The following SLC4A5 variants were observed in gnomAD, a reference collection of about 807,000 sequenced individuals.
SLC4A5 encodes solute carrier family 4 member 5.
SLC4A5 carries 96 observed loss-of-function variants against 120.4 expected under a neutral mutation model. That is an observed-to-expected ratio of 0.80 (90% CI 0.68 to 0.94). The LOEUF (loss-of-function observed/expected upper bound fraction) is 0.94, where lower values mean the gene tolerates loss of function less well. Ranked by LOEUF, SLC4A5 falls within the 40% of genes least tolerant of loss-of-function variation. The pLI, the probability that SLC4A5 is intolerant of heterozygous loss-of-function variation, is 0.00. For missense variants in SLC4A5, 1,259 were observed against 1,459.5 expected, an observed-to-expected ratio of 0.86 and a Z score of 2.24; for synonymous variants, 550 against 571.1, an observed-to-expected ratio of 0.96 and a Z score of 0.53.
intron 7 of SLC4A5, among the ~76,000 whole-genome samples, chr2:74,297,354 T>C (rs958424113): frequency 2.6e-5 from 4 of 152,222 alleles, no homozygotes; most frequent in Non-Finnish European, 5.9e-5. Context: ...CCATGCAGTT[T>C]GCCTAGGACC....
intron 12 of SLC4A5, among the ~76,000 whole-genome samples, chr2:74,256,487 C>A (rs1358908202): frequency 6.6e-6 from 1 of 152,214 alleles, no homozygotes; most frequent in Admixed American, 6.5e-5. Flanking sequence ...CCACATTACC[C>A]CCAGGGGACC....
chr2:74,256,208 A>T (rs75727102), intron 12 of SLC4A5, among the ~76,000 whole-genome samples: 34 of 152,260 alleles, frequency 2.2e-4, no homozygotes, highest in African/African-American at 7.9e-4. Flanking sequence ...CTCCACTGAG[A>T]TGTGGGTTGA....
At position 74,232,653 on chromosome 2, in the gene SLC4A5, G is replaced by A; in HGVS notation, c.2596-6C>T. The stretch of plus-strand genomic sequence containing the variant: ...AGATGGTAGCCGGCAGCCTTCTGCA[G>A]GAGCGGGGTTGGGGGAGGGAGAAGT... On this transcript the variant is annotated splice_region_variant and splice_polypyrimidine_tract_variant and intron_variant, in intron 23 of 30. Coordinates refer to ENST00000394019, the Ensembl canonical transcript of SLC4A5. 1.2e-6 allele frequency: 2 copies of A among 1,612,376 alleles called. No individual in the cohort carries two copies. Among genetic ancestry groups the A allele is most frequent in the Non-Finnish European group, 1.7e-6 (2 of 1,179,400 alleles).
chr2:74,342,591 G>C (rs764200423), intron 1 of SLC4A5, 57 bp from the exon 2 acceptor site: 8 of 152,156 alleles, frequency 5.3e-5, no homozygotes, highest in Non-Finnish European at 1.2e-4. Flanking sequence ...ACAAAGCTAA[G>C]GGCACTGGGT....
In SLC4A5 at chr2:74,252,376, G is replaced by A; in HGVS notation, c.1281C>T (p.Phe427=). 3 of 1,612,776 alleles carry A rather than the reference G, an allele frequency of 1.9e-6. No homozygotes were observed. The African/African-American group carries it at 4.0e-5, about 22-fold the overall frequency. ...TCATCTGGCCCAGCTCTGCTAGGGA[G>A]AACACAGATTTCCTGGAAGAGAAGG... The change falls in exon 16 of 31, where the codon TTC becomes TTT. Residue 427 remains phenylalanine (F), a synonymous_variant. Coordinates refer to ENST00000394019, the Ensembl canonical transcript of SLC4A5.
intron 7 of SLC4A5, among the ~76,000 whole-genome samples, chr2:74,299,077 G>A (rs56208502): frequency 0.015 from 2,248 of 152,234 alleles, 20 homozygotes; most frequent in Non-Finnish European, 0.023. Context: ...CTCGCCAGGC[G>A]CAGTGGCTCA....
intron 5 of SLC4A5, among the ~76,000 whole-genome samples, chr2:74,318,280 A>G (rs1412011012): frequency 6.6e-6 from 1 of 152,236 alleles, no homozygotes; most frequent in Non-Finnish European, 1.5e-5. Context: ...AAAAGAAGAC[A>G]CATAAATGGC....
intron 7 of SLC4A5, among the ~76,000 whole-genome samples, chr2:74,287,202 A>G (rs974741274): frequency 1.3e-5 from 2 of 151,912 alleles, no homozygotes; most frequent in Non-Finnish European, 1.5e-5. Context: ...TCTTCATCAC[A>G]TCCTCCATTC....
intron 8 of SLC4A5, among the ~76,000 whole-genome samples, chr2:74,285,393 G>A (rs1671949331): frequency 6.6e-6 from 1 of 152,146 alleles, no homozygotes; most frequent in South Asian, 2.1e-4. Flanking sequence ...TGCATATATG[G>A]GCCATTGTTT....
intron 8 of SLC4A5, among the ~76,000 whole-genome samples, chr2:74,272,115 T>C (rs969741693): frequency 2.6e-5 from 4 of 152,080 alleles, no homozygotes; most frequent in Admixed American, 1.3e-4. Context: ...TTTAGAGACA[T>C]AATGAAATAT....
rs1264174786 is a variant in SLC4A5, at chr2:74,284,431, C to T, written c.401+1342G>A. On this transcript the variant is annotated intron_variant, in intron 8 of 30. Transcript: ENST00000394019. ...TCCTGACCTCATGATCCACCCGCCT[C>T]GGCCTCCCAAAGTGCTGGGATTACA... Among the ~76,000 whole-genome samples, 21 of 73,196 alleles carry T rather than the reference C, an allele frequency of 2.9e-4. 3 individuals carry two copies. The South Asian group carries it at 3.8e-3, about 13-fold the overall frequency. The allele number at this position is 73,196 out of a possible 152,430, so 48.0% of individuals were successfully genotyped here.
At chr2:74,246,219 T>C (rs1485508939) in intron 19 of SLC4A5, among the ~76,000 whole-genome samples, 2 of 152,238 alleles carry the variant, frequency 1.3e-5, no homozygotes, top group Admixed American at 1.3e-4. Flanking sequence ...TGTTACCAGG[T>C]TGACCCCATC....
At chr2:74,267,401 G>A (rs1032478998) in intron 8 of SLC4A5, among the ~76,000 whole-genome samples, 7 of 152,164 alleles carry the variant, frequency 4.6e-5, no homozygotes, top group Non-Finnish European at 1.0e-4. Flanking sequence ...AAACCACCAG[G>A]TTTTCAGTAG....
chr2:74,264,878 G>A (rs1410160927), intron 9 of SLC4A5, among the ~76,000 whole-genome samples: 1 of 152,174 alleles, frequency 6.6e-6, no homozygotes, highest in Non-Finnish European at 1.5e-5. Flanking sequence ...TTTCTGGATG[G>A]CATTTTGGAG....
intron 7 of SLC4A5, among the ~76,000 whole-genome samples, chr2:74,300,959 T>C (rs1672461987): frequency 6.6e-6 from 1 of 152,176 alleles, no homozygotes; most frequent in African/African-American, 2.4e-5. Context: ...AAGCTAAATG[T>C]GGTTCAAGGA....
chr2:74,301,450 T>C (rs143724176), intron 7 of SLC4A5, among the ~76,000 whole-genome samples: 139 of 152,326 alleles, frequency 9.1e-4, no homozygotes, highest in African/African-American at 3.2e-3. Context: ...GCCCCTGTTC[T>C]CTGAAGTGGG....
intron 7 of SLC4A5, among the ~76,000 whole-genome samples, chr2:74,301,910 T>C (rs1573079133): frequency 6.6e-6 from 1 of 152,184 alleles, no homozygotes; most frequent in African/African-American, 2.4e-5. Context: ...TTCTCAGGGG[T>C]AGAAAGGTTT....
At chr2:74,308,399 G>GT (rs1672713250) in intron 6 of SLC4A5, among the ~76,000 whole-genome samples, 1 of 152,204 alleles carries the variant, frequency 6.6e-6, no homozygotes, top group Non-Finnish European at 1.5e-5. Context: ...GGTATTGGCA[G>GT]TTTTTTAAAA....
At chr2:74,256,716 C>T (rs966259371) in intron 12 of SLC4A5, among the ~76,000 whole-genome samples, 6 of 152,132 alleles carry the variant, frequency 3.9e-5, no homozygotes, top group Admixed American at 2.6e-4. Flanking sequence ...CTGAAGATAC[C>T]CCAGGGATGG....
Sources: gnomAD v4.1 joint callset for allele counts (sites outside exome capture counted in the v4.1 genomes callset) on GRCh38, gnomAD v4.1.1 for gene constraint, MANE v1.5 for transcripts, NCBI Gene and HGNC (gene_info 2026-07-23, HGNC 2026-07-21) for gene names.